PAX5: variants seen among roughly 807,000 people sequenced by gnomAD.
PAX5 encodes paired box 5.
A neutral mutation model predicts 43.7 loss-of-function variants in PAX5; 9 were observed. The observed-to-expected ratio is 0.21, with a 90% CI of 0.12 to 0.36. The LOEUF (loss-of-function observed/expected upper bound fraction) is 0.36. PAX5 is among the 10% of genes least tolerant of loss of function. PAX5 has a pLI of 1.00. For synonymous variants in PAX5, 228 were observed against 214.3 expected, an observed-to-expected ratio of 1.06 and a Z score of -0.56; for missense variants, 383 against 532.7, an observed-to-expected ratio of 0.72 and a Z score of 2.77.
intron 1 of PAX5, among the ~76,000 whole-genome samples, chr9:37,032,052 C>T (rs997228515): frequency 6.6e-6 from 1 of 152,176 alleles, no homozygotes; most frequent in African/African-American, 2.4e-5. Flanking sequence ...CTCACTTGAA[C>T]TGTCGCCCTT....
At chr9:37,022,447 C>A (rs1210378783) in intron 1 of PAX5, among the ~76,000 whole-genome samples, 1 of 152,162 alleles carries the variant, frequency 6.6e-6, no homozygotes, top group African/African-American at 2.4e-5. Context: ...CAAGAGCAGG[C>A]TGGATTTAAG....
intron 8 of PAX5, among the ~76,000 whole-genome samples, 199 bp downstream of exon 8, chr9:36,881,805 C>T (rs1053310567): frequency 2.6e-5 from 4 of 152,224 alleles, no homozygotes; most frequent in African/African-American, 4.8e-5. Context: ...CCCTCGCCCC[C>T]GGTGTCCTCC....
chr9:36,947,991 G>A (rs1832693937), intron 6 of PAX5, among the ~76,000 whole-genome samples: 1 of 152,186 alleles, frequency 6.6e-6, no homozygotes, highest in African/African-American at 2.4e-5. Flanking sequence ...CCCTGAGAAT[G>A]CAAATAATAA....
chr9:36,984,256 G>A (rs1836184733), intron 5 of PAX5, among the ~76,000 whole-genome samples: 1 of 152,104 alleles, frequency 6.6e-6, no homozygotes, highest in Non-Finnish European at 1.5e-5. Context: ...AGCAAGGCAG[G>A]TGGGACTAAG....
intron 6 of PAX5, among the ~76,000 whole-genome samples, chr9:36,950,897 C>T (rs1005954041): frequency 1.2e-4 from 18 of 152,178 alleles, no homozygotes; most frequent in East Asian, 3.9e-4. Context: ...CACACCACCA[C>T]GCCCAGCTAA....
In PAX5 at chr9:36,875,712, T is replaced by A. The variant is rs114878929; in HGVS notation, c.1012+6292A>T. On this transcript the variant is annotated intron_variant, in intron 8 of 9. Transcript: ENST00000358127. ...CAAGGGAAACACAGAGCTCTCTAAG[T>A]GAATGGGGGAGGAAGGAGGGGCAGC... 3.6e-3 allele frequency among the ~76,000 whole-genome samples: 540 copies of A among 151,550 alleles called. 5 individuals carry two copies. Among genetic ancestry groups the A allele is most frequent in the African/African-American group, 0.013 (528 of 41,224 alleles).
chr9:37,034,175 C>T lies in PAX5; in HGVS notation c.-144G>A. ...CGGAATAATTCAAGCCTTCCGCTCC[C>T]CCGCCGAGCTGGGGTAGCTGATCAC... On this transcript the variant is annotated 5_prime_UTR_variant, in exon 1 of 10. Coordinates refer to ENST00000358127, the MANE Select transcript of PAX5 (RefSeq NM_016734.3). 1 of 618,068 alleles carries T rather than the reference C, an allele frequency of 1.6e-6. No individual in the cohort carries two copies. Among genetic ancestry groups the T allele is most frequent in the Non-Finnish European group, 2.8e-6 (1 of 355,856 alleles). The allele number at this position is 618,068 out of a possible 1,614,324, so 38.3% of individuals were successfully genotyped here. A position where few individuals can be genotyped will look rare whatever the true frequency, so the allele number is the denominator to read the frequency against.
rs1821477276 is a variant in PAX5, at chr9:36,834,186, TGAG to T, written c.*6371_*6373del. On this transcript the variant is annotated 3_prime_UTR_variant, in exon 10 of 10. Transcript: ENST00000358127. ...ACCTTGGAGGCCCAGCAGCTGGGGC[TGAG>T]AAGTGGGGCCCAGGCAACGCCAGGC... 4.3e-6 allele frequency: 1 copy of T among 233,192 alleles called. No homozygotes were observed. Among genetic ancestry groups the T allele is most frequent in the African/African-American group, 2.2e-5 (1 of 45,344 alleles). The allele number at this position is 233,192 out of a possible 1,614,324, so 14.4% of individuals were successfully genotyped here.
At chr9:36,847,113 A>G (rs1192769355) in intron 8 of PAX5, among the ~76,000 whole-genome samples, 184 bp from the exon 9 acceptor site, 4 of 152,218 alleles carry the variant, frequency 2.6e-5, no homozygotes, top group African/African-American at 4.8e-5. Flanking sequence ...TGTCACTGGC[A>G]TTGTCTGTAT....
intron 5 of PAX5, among the ~76,000 whole-genome samples, chr9:36,998,996 G>T (rs1329573): frequency 4.5e-4 from 68 of 152,088 alleles, no homozygotes; most frequent in African/African-American, 1.5e-3. Context: ...CTTGCATTCT[G>T]CTTCTGTTGG....
At chr9:37,025,401 C>T (rs2132528617) in intron 1 of PAX5, among the ~76,000 whole-genome samples, 1 of 146,406 alleles carries the variant, frequency 6.8e-6, no homozygotes, top group African/African-American at 2.5e-5. Flanking sequence ...GCTAGGAAAG[C>T]TGGATCCCAG....
intron 2 of PAX5, 125 bp downstream of exon 2, chr9:37,020,511 C>T (rs1839764050): frequency 4.0e-6 from 4 of 994,164 alleles, no homozygotes; most frequent in East Asian, 2.4e-5. Context: ...CTTTAAAGTG[C>T]TCTGCGTGTG....
At chr9:37,026,606 G>A (rs1371220104) in intron 1 of PAX5, 2 of 1,349,786 alleles carry the variant, frequency 1.5e-6, no homozygotes, top group Admixed American at 2.2e-5. Context: ...GCCGGCCCAC[G>A]CCGCCGCCTC....
chr9:36,919,078 C>T (rs1829937486), intron 7 of PAX5, among the ~76,000 whole-genome samples: 1 of 152,166 alleles, frequency 6.6e-6, no homozygotes. Context: ...TAGCTGGTGA[C>T]TTTAAGTTAA....
At chr9:36,858,794 G>T (rs1823904590) in intron 8 of PAX5, among the ~76,000 whole-genome samples, 1 of 152,046 alleles carries the variant, frequency 6.6e-6, no homozygotes, top group Non-Finnish European at 1.5e-5. Context: ...CCAGACCTTG[G>T]CCTGTCCCTC....
At position 36,840,328 on chromosome 9, in the gene PAX5, A is replaced by T; in HGVS notation, c.*232T>A. 1.6e-6 allele frequency: 1 copy of T among 608,166 alleles called. No homozygotes were observed. The highest frequency in any genetic ancestry group is 2.9e-6 in the Non-Finnish European group (1 of 341,710). 37.7% of individuals were successfully genotyped at this position (608,166 alleles called of 1,614,324 possible). On this transcript the variant is annotated 3_prime_UTR_variant, in exon 10 of 10. Coordinates refer to ENST00000358127, the MANE Select transcript of PAX5 (RefSeq NM_016734.3). ...ATTGGTTTGCAGAGACCCAGTGGCC[A>T]TCGGGAGAAGCTCATAGATTGGCTT...
chr9:36,850,080 G>A (rs1823007185), intron 8 of PAX5, among the ~76,000 whole-genome samples: 1 of 152,226 alleles, frequency 6.6e-6, no homozygotes, highest in African/African-American at 2.4e-5. Context: ...TTTGATGGCA[G>A]AGAGAGGCGG....
chr9:36,841,659 T>G (rs1460313539), intron 9 of PAX5, among the ~76,000 whole-genome samples: 1 of 152,200 alleles, frequency 6.6e-6, no homozygotes, highest in East Asian at 1.9e-4. Flanking sequence ...GGCACCTGCT[T>G]AGCTGGATTG....
intron 1 of PAX5, among the ~76,000 whole-genome samples, chr9:37,021,168 T>G (rs9407059): frequency 0.34 from 51,237 of 152,132 alleles, 9,569 homozygotes; most frequent in Admixed American, 0.43. Context: ...GGAGAAAATA[T>G]GCATTAAAAT....
Sources: allele counts gnomAD v4.1 joint callset (sites outside exome capture counted in the v4.1 genomes callset), GRCh38; gene constraint gnomAD v4.1.1; transcripts MANE v1.5; gene names NCBI Gene and HGNC (gene_info 2026-07-23, HGNC 2026-07-21).